STK38L: variants seen among roughly 807,000 people sequenced by gnomAD.
The protein encoded by STK38L is serine/threonine-protein kinase 38-like.
A neutral mutation model predicts 59.7 loss-of-function variants in STK38L; 28 were observed. The observed-to-expected ratio is 0.47, with a 90% CI of 0.35 to 0.64. The LOEUF (loss-of-function observed/expected upper bound fraction) is 0.64, where lower values mean the gene tolerates loss of function less well. STK38L is among the 30% of genes least tolerant of loss of function. The pLI is 0.01. For synonymous variants in STK38L, 162 were observed against 176.8 expected (o/e 0.92, Z 0.66); for missense variants, 314 against 555.8 (o/e 0.56, Z 4.37).
chr12:27,257,060 A>G (rs532876652), intron 1 of STK38L, among the ~76,000 whole-genome samples: 73 of 152,352 alleles, frequency 4.8e-4, no homozygotes, highest in African/African-American at 1.7e-3. Context: ...TCCAGAAGTC[A>G]CTAGAATTAC....
At chr12:27,271,943 A>C (rs186734336) in intron 1 of STK38L, among the ~76,000 whole-genome samples, 5 of 152,254 alleles carry the variant, frequency 3.3e-5, no homozygotes, top group Admixed American at 2.0e-4. Flanking sequence ...CAAGTGATCC[A>C]CCTGCCTTGG....
chr12:27,306,752 C>CACACACACACACACACACACACAT (rs1491536388), intron 3 of STK38L, among the ~76,000 whole-genome samples: 7 of 139,728 alleles, frequency 5.0e-5, no homozygotes, highest in Admixed American at 7.1e-5. Flanking sequence ...CACACACACA[C>CACACACACACACACACACACACAT]ATATATTTGA....
intron 12 of STK38L, among the ~76,000 whole-genome samples, chr12:27,320,444 T>A (rs56307812): frequency 3.0e-4 from 32 of 106,606 alleles, no homozygotes; most frequent in Non-Finnish European, 5.6e-4. Context: ...TTTTGTTGAT[T>A]TTTTTTTTTT....
intron 2 of STK38L, among the ~76,000 whole-genome samples, chr12:27,299,579 A>G (rs1944113350): frequency 6.6e-6 from 1 of 152,344 alleles, no homozygotes; most frequent in South Asian, 2.1e-4. Context: ...TATCTTACAC[A>G]TTAAAAAATA....
chr12:27,317,976 C>A lies in STK38L; in HGVS notation c.1036C>A (p.Pro346Thr). Residue 346 changes from proline to threonine, a missense_variant, in exon 11 of 14, where the codon CCA (proline) becomes ACA (threonine). By Grantham distance (38) the Pro-to-Thr change is conservative. Transcript: ENST00000389032. The part of the protein sequence containing the change: ...MNWKETLVFP[P>T]EVPISEKAKD... ...CTGGAAAGAAACTCTGGTATTTCCT[C>A]CAGAGGTACCTATATCTGAGAAAGC... 1 of 1,613,918 alleles carries A rather than the reference C, an allele frequency of 6.2e-7. No homozygotes were observed.
chr12:27,262,997 C>T (rs560089895), intron 1 of STK38L, among the ~76,000 whole-genome samples: 1 of 152,106 alleles, frequency 6.6e-6, no homozygotes, highest in African/African-American at 2.4e-5. Flanking sequence ...TGGGGTTTCT[C>T]CACATTGGCC....
chr12:27,250,794 A>T (rs1476487325), intron 1 of STK38L, among the ~76,000 whole-genome samples: 2 of 151,920 alleles, frequency 1.3e-5, no homozygotes, highest in Admixed American at 1.3e-4. Flanking sequence ...AGGTCAGGAG[A>T]TTGAGACCAT....
At position 27,320,442 on chromosome 12, in the gene STK38L, A is replaced by ATTTTTTT. The variant is rs34281958; in HGVS notation, c.1175+1035_1175+1041dup. ...CCACCACACCCAGCTAATTTTGTTG[A>ATTTTTTT]TTTTTTTTTTTTTTTTTTTTTTGTA... is the stretch of plus-strand genomic sequence containing the variant. On this transcript the variant is annotated intron_variant, in intron 12 of 13. Transcript: ENST00000389032. 1.7e-4 allele frequency among the ~76,000 whole-genome samples: 16 copies of ATTTTTTT among 91,892 alleles called. 1 individual carries two copies. In the East Asian group the frequency reaches 2.0e-3, roughly 11 times the overall value. 60.3% of individuals were successfully genotyped at this position (91,892 alleles called of 152,430 possible). A position where few individuals can be genotyped will look rare whatever the true frequency, so the allele number is the denominator to read the frequency against.
chr12:27,317,592 A>G, intron 10 of STK38L, 139 bp downstream of exon 10: 3 of 768,170 alleles, frequency 3.9e-6, no homozygotes, highest in Non-Finnish European at 6.2e-6. Flanking sequence ...TGTTAAATAC[A>G]TACTGATCAA....
intron 1 of STK38L, among the ~76,000 whole-genome samples, chr12:27,296,378 G>C (rs969745105): frequency 6.6e-6 from 1 of 152,216 alleles, no homozygotes; most frequent in South Asian, 2.1e-4. Flanking sequence ...TTTAGACATA[G>C]TGATTCTGAG....
intron 9 of STK38L, among the ~76,000 whole-genome samples, chr12:27,316,472 C>G (rs1363435071): frequency 6.6e-6 from 1 of 152,106 alleles, no homozygotes; most frequent in Non-Finnish European, 1.5e-5. Flanking sequence ...CCAGTAGTTG[C>G]CAAGCCTTAG....
intron 1 of STK38L, among the ~76,000 whole-genome samples, chr12:27,292,256 G>A (rs1014681012): frequency 1.3e-5 from 2 of 152,186 alleles, no homozygotes; most frequent in Non-Finnish European, 2.9e-5. Context: ...ACCATTCTTT[G>A]TAATAATTTG....
intron 1 of STK38L, among the ~76,000 whole-genome samples, chr12:27,261,979 G>C (rs1486809923): frequency 6.6e-6 from 1 of 152,248 alleles, no homozygotes; most frequent in East Asian, 1.9e-4. Flanking sequence ...GAAGCAGTCA[G>C]TAAATGTTAG....
At chr12:27,260,382 G>A (rs1201398461) in intron 1 of STK38L, among the ~76,000 whole-genome samples, 1 of 152,148 alleles carries the variant, frequency 6.6e-6, no homozygotes, top group Non-Finnish European at 1.5e-5. Context: ...AACATCTAGT[G>A]AAAGTAGGTA....
intron 1 of STK38L, among the ~76,000 whole-genome samples, chr12:27,285,271 AAG>A (rs1943747700): frequency 6.6e-6 from 1 of 152,206 alleles, no homozygotes; most frequent in Non-Finnish European, 1.5e-5. Context: ...AGAAATAAAA[AAG>A]GAATTGGTAC....
chr12:27,303,680 T>C (rs945728041), intron 3 of STK38L, among the ~76,000 whole-genome samples: 1 of 152,162 alleles, frequency 6.6e-6, no homozygotes, highest in Non-Finnish European at 1.5e-5. Context: ...GTTGAAAATA[T>C]AGAGAAGATT....
intron 1 of STK38L, among the ~76,000 whole-genome samples, chr12:27,263,576 C>A (rs4035945): frequency 1.3e-5 from 2 of 152,198 alleles, no homozygotes; most frequent in Non-Finnish European, 1.5e-5. Context: ...GGGCCTTCAT[C>A]ATAATGTGCT....
At chr12:27,255,136 A>G (rs556071122) in intron 1 of STK38L, among the ~76,000 whole-genome samples, 1 of 152,368 alleles carries the variant, frequency 6.6e-6, no homozygotes, top group South Asian at 2.1e-4. Context: ...ATCTAAATCC[A>G]TAGATTAGCC....
chr12:27,278,812 G>A (rs1943591470), intron 1 of STK38L, among the ~76,000 whole-genome samples: 3 of 152,168 alleles, frequency 2.0e-5, no homozygotes, highest in Admixed American at 2.0e-4. Flanking sequence ...GCTAAAGTCA[G>A]CCCTGAAGCT....
Sources: allele counts gnomAD v4.1 joint callset (sites outside exome capture counted in the v4.1 genomes callset), GRCh38; gene constraint gnomAD v4.1.1; transcripts MANE v1.5; gene names NCBI Gene and HGNC (gene_info 2026-07-23, HGNC 2026-07-21).